The following EPHB6 variants were observed in gnomAD, a reference collection of about 807,000 sequenced individuals.
EPHB6 encodes ephrin type-B receptor 6.
In EPHB6, 51 loss-of-function variants were observed where a neutral mutation model predicts 107.0. That is an observed-to-expected ratio of 0.48 (90% CI 0.38 to 0.60). The LOEUF (loss-of-function observed/expected upper bound fraction) is 0.60, where lower values mean the gene tolerates loss of function less well. EPHB6 is among the 20% of genes least tolerant of loss of function. The pLI, the probability that EPHB6 is intolerant of heterozygous loss-of-function variation, is 0.00. For synonymous variants in EPHB6, 553 were observed against 549.0 expected, an observed-to-expected ratio of 1.01 and a Z score of -0.10; for missense variants, 1,141 against 1,355.5, an observed-to-expected ratio of 0.84 and a Z score of 2.48.
chr7:142,857,861 A>G (rs1194027944), intron 1 of EPHB6, among the ~76,000 whole-genome samples: 1 of 152,190 alleles, frequency 6.6e-6, no homozygotes, highest in Admixed American at 6.5e-5. Flanking sequence ...AAGACTAGCC[A>G]GAGATAACAA....
chr7:142,865,598 C>T lies in EPHB6; in HGVS notation c.1073C>T (p.Ala358Val), dbSNP rs201879428. 3 of 1,613,686 alleles carry T rather than the reference C, an allele frequency of 1.9e-6. No homozygotes were observed. The highest frequency in any genetic ancestry group is 2.5e-6 in the Non-Finnish European group (3 of 1,180,002). Residue 358 changes from alanine (A) to valine (V), a missense_variant, in exon 8 of 20, where the codon GCC (alanine) becomes GTC (valine). Physicochemically the swap from Ala to Val is moderately conservative, Grantham distance 64. Coordinates refer to ENST00000652003, the MANE Select transcript of EPHB6 (RefSeq NM_004445.6). ...VCPCLEGFYR[A>V]SSDPPEAPCT... ...CCCTGCCTGGAGGGCTTCTACCGGG[C>T]CAGTTCCGACCCACCAGAGGCCCCC... is the stretch of plus-strand genomic sequence containing the variant.
rs1234381127 is a variant in EPHB6 at position 142,866,124 on chromosome 7, A to T, written c.1270A>T (p.Thr424Ser). Reference sequence around the variant, plus strand: ...GGAACCTGCCAGCGGTGGTGGGGGCACTTGTCACCGCTGCAGGGATGAGGT... The same window carrying T: ...GGAACCTGCCAGCGGTGGTGGGGGCTCTTGTCACCGCTGCAGGGATGAGGT... ...RQEPASGGGGTCHRCRDEVHF... is the reference protein window; with the variant it reads ...RQEPASGGGGSCHRCRDEVHF... Residue 424 changes from threonine (T) to serine (S), a missense_variant, in exon 9 of 20, where the codon ACT (threonine) becomes TCT (serine). Coordinates refer to ENST00000652003, the MANE Select transcript of EPHB6 (RefSeq NM_004445.6). The surrounding 1 kb of genome is among the most constrained non-coding windows in gnomAD (Gnocchi z 5.2). 3.7e-6 allele frequency: 6 copies of T among 1,613,660 alleles called. No individual in the cohort carries two copies. The highest frequency in any genetic ancestry group is 3.3e-4 in the Middle Eastern group (2 of 6,062).
In EPHB6 at chr7:142,867,729, CCCCA is replaced by C; in HGVS notation, c.1865+11_1865+14del. 1 of 1,604,986 alleles carries C rather than the reference CCCCA, an allele frequency of 6.2e-7. No individual in the cohort carries two copies. On this transcript the variant is annotated splice_region_variant and intron_variant, in intron 12 of 19. Coordinates refer to ENST00000652003, the MANE Select transcript of EPHB6 (RefSeq NM_004445.6). The surrounding 1 kb of genome is among the most constrained non-coding windows in gnomAD (Gnocchi z 5.3). Reference sequence around the variant, plus strand: ...TGGCGGTCGTCTTCCAGCGGTGAGTCCCCACCCCTGCCCAACTCTGCCCAGCACC... The same window carrying C: ...TGGCGGTCGTCTTCCAGCGGTGAGTCCCCCTGCCCAACTCTGCCCAGCACC...
Position 142,868,161 on chromosome 7 carries a change from GA to G in EPHB6, c.1919-79del. ...GGGAGCTCCTTGGCACAACCTTCTG[GA>G]GGTAAGTGGGCATGTCTGGGGTGCG... On this transcript the variant is annotated intron_variant, in intron 13 of 19. Coordinates refer to ENST00000652003, the MANE Select transcript of EPHB6 (RefSeq NM_004445.6). This position sits in a 1 kb window ranked among gnomAD's most constrained non-coding sequence, Gnocchi z 4.2. The G allele has an allele frequency of 6.2e-7, 1 of 1,613,968 alleles. No individual in the cohort carries two copies. Among genetic ancestry groups the G allele is most frequent in the Non-Finnish European group, 8.5e-7 (1 of 1,179,926 alleles).
At chr7:142,865,741 C>G in intron 8 of EPHB6, 111 bp downstream of exon 8, 1 of 1,480,602 alleles carries the variant, frequency 6.8e-7, no homozygotes, top group Admixed American at 1.9e-5. Flanking sequence ...TTGTTTTTCC[C>G]CTATTTTCTT....
In EPHB6 at chr7:142,870,963, G is replaced by A. The variant is rs1488600454; in HGVS notation, c.*59G>A. ...TGGTCCGAGAAGGGACATGTGGGAC[G>A]TGAGCCGGGCTCCAACAGCCTCTGT... On this transcript the variant is annotated 3_prime_UTR_variant, in exon 20 of 20. Transcript: ENST00000652003. The A allele has an allele frequency of 2.6e-5, 39 of 1,520,402 alleles. No homozygotes were observed. The highest frequency in any genetic ancestry group is 2.1e-4 in the East Asian group (9 of 42,324). The allele number at this position is 1,520,402 out of a possible 1,614,324, so 94.2% of individuals were successfully genotyped here.
intron 1 of EPHB6, among the ~76,000 whole-genome samples, chr7:142,856,317 G>A (rs1802611865): frequency 1.3e-5 from 2 of 152,214 alleles, no homozygotes; most frequent in South Asian, 4.1e-4. Context: ...GCTGCTCAGT[G>A]GGGCCACTTG....
chr7:142,860,687 C>G (rs1397038045), intron 1 of EPHB6, among the ~76,000 whole-genome samples: 5 of 152,186 alleles, frequency 3.3e-5, no homozygotes, highest in Non-Finnish European at 5.9e-5. Flanking sequence ...ATTGAACTCT[C>G]TATTTCACAA....
chr7:142,863,408 G>C, intron 5 of EPHB6, 81 bp downstream of exon 5: 1 of 1,428,038 alleles, frequency 7.0e-7, no homozygotes, highest in South Asian at 1.1e-5. Context: ...ATTTAGAAAA[G>C]GTAGATAAGA....
chr7:142,864,191 T>C lies in EPHB6; in HGVS notation c.391T>C (p.Tyr131His). Residue 131 changes from tyrosine to histidine, a missense_variant, in exon 7 of 20, where the codon TAC becomes CAC. Physicochemically the swap from Tyr to His is moderately conservative, Grantham distance 83. This residue lies in a region of EPHB6 where 221 missense variants were observed against 300.5 expected (regional missense o/e 0.74). Coordinates refer to ENST00000652003, the MANE Select transcript of EPHB6 (RefSeq NM_004445.6). ...CACCTGCCGGGAGACCTTCACCCTTTACTACCGTCAGGCTGAGGAGCCCGA... is the reference window on the plus strand; with the variant it reads ...CACCTGCCGGGAGACCTTCACCCTTCACTACCGTCAGGCTGAGGAGCCCGA... ...GGTCRETFTL[Y>H]YRQAEEPDSP... 1 of 1,613,908 alleles carries C rather than the reference T, an allele frequency of 6.2e-7. No individual in the cohort carries two copies. Among genetic ancestry groups the C allele is most frequent in the Non-Finnish European group, 8.5e-7 (1 of 1,180,040 alleles).
At position 142,863,270 on chromosome 7, in the gene EPHB6, G is replaced by A. The variant is rs1323107897; in HGVS notation, c.43G>A (p.Gly15Ser). The change falls in exon 5 of 20, where the codon GGC (glycine) becomes AGC (serine). Residue 15 changes from glycine to serine, a missense_variant. By Grantham distance (56) the Gly-to-Ser change is moderately conservative. Around this residue, in one of 3 missense-constraint regions of EPHB6, gnomAD observed 221 missense variants for 300.5 expected, o/e 0.74. Transcript: ENST00000652003. ...GAAQLGNRVA[G>S]MVCSLWVLLL... ...TGCCCAGTTAGGGAACAGAGTGGCG[G>A]GCATGGTGTGTAGCCTATGGGTGCT... The A allele has an allele frequency of 1.9e-6, 3 of 1,613,700 alleles. No individual in the cohort carries two copies. Among genetic ancestry groups the A allele is most frequent in the Non-Finnish European group, 2.5e-6 (3 of 1,179,906 alleles).
intron 1 of EPHB6, among the ~76,000 whole-genome samples, chr7:142,856,701 C>T (rs1802625681): frequency 6.6e-6 from 1 of 152,178 alleles, no homozygotes; most frequent in Admixed American, 6.5e-5. Flanking sequence ...CTCCCTCTCC[C>T]AGCCCAGGTG....
rs181797143 is a variant in EPHB6 at position 142,867,570 on chromosome 7, A to T, written c.1751-38A>T. The T allele has an allele frequency of 2.7e-5, 42 of 1,564,618 alleles. No homozygotes were observed. Among genetic ancestry groups the T allele is most frequent in the Admixed American group, 7.0e-5 (4 of 56,786 alleles). Reference sequence around the variant, plus strand: ...GCACATGAACAAGCACCTGTGAGAGACCTGGCCCACCTGTGACCCTGTCGG... The same window carrying T: ...GCACATGAACAAGCACCTGTGAGAGTCCTGGCCCACCTGTGACCCTGTCGG... On this transcript the variant is annotated intron_variant, in intron 11 of 19. Transcript: ENST00000652003. The surrounding 1 kb of genome is among the most constrained non-coding windows in gnomAD (Gnocchi z 5.3).
chr7:142,856,764 G>T (rs1045657647), intron 1 of EPHB6, among the ~76,000 whole-genome samples: 1 of 152,148 alleles, frequency 6.6e-6, no homozygotes, highest in African/African-American at 2.4e-5. Flanking sequence ...CAGACTGGGG[G>T]TAGAGCAGGG....
At position 142,863,183 on chromosome 7, in the gene EPHB6, G is replaced by A. The variant is rs537072129; in HGVS notation, c.-45G>A. The A allele has an allele frequency of 2.7e-5, 41 of 1,542,048 alleles. No individual in the cohort carries two copies. In the East Asian group the frequency reaches 9.2e-4, roughly 35 times the overall value. ...GCAAAAGCTGCAGCCCCACCCAGGAGCAGGGTGGTGGCTGGGGCGATGGTG... is the reference window on the plus strand; with the variant it reads ...GCAAAAGCTGCAGCCCCACCCAGGAACAGGGTGGTGGCTGGGGCGATGGTG... On this transcript the variant is annotated 5_prime_UTR_variant, in exon 5 of 20. Coordinates refer to ENST00000652003, the MANE Select transcript of EPHB6 (RefSeq NM_004445.6).
In EPHB6 at chr7:142,866,150, C is replaced by T. The variant is rs139753807; in HGVS notation, c.1296C>T (p.Val432=). 319 of 1,613,902 alleles carry T rather than the reference C, an allele frequency of 2.0e-4. No individual in the cohort carries two copies. The highest frequency in any genetic ancestry group is 8.2e-4 in the Middle Eastern group (5 of 6,084). The change falls in exon 9 of 20, where the codon GTC becomes GTT. Residue 432 remains valine, a synonymous_variant. Transcript: ENST00000652003. This position sits in a 1 kb window ranked among gnomAD's most constrained non-coding sequence, Gnocchi z 5.2. ...GGTCHRCRDE[V]HFDPRQRGLT... ...CTTGTCACCGCTGCAGGGATGAGGT[C>T]CACTTCGACCCTCGCCAGAGAGGCC...
intron 1 of EPHB6, among the ~76,000 whole-genome samples, chr7:142,856,797 C>T (rs1306017060): frequency 6.6e-6 from 1 of 152,118 alleles, no homozygotes; most frequent in Non-Finnish European, 1.5e-5. Flanking sequence ...GAAGAAGGGC[C>T]CATGGAACCA....
In EPHB6 at chr7:142,867,991, C is replaced by G. The variant is rs1267961286; in HGVS notation, c.1866-6C>G. 3 of 1,571,210 alleles carry G rather than the reference C, an allele frequency of 1.9e-6. No individual in the cohort carries two copies. The highest frequency in any genetic ancestry group is 1.9e-5 in the Admixed American group (1 of 53,778). On this transcript the variant is annotated splice_region_variant and splice_polypyrimidine_tract_variant and intron_variant, in intron 12 of 19. Transcript: ENST00000652003. This position sits in a 1 kb window ranked among gnomAD's most constrained non-coding sequence, Gnocchi z 5.3. ...CGTCATCCCCAGTCACCGTTTTGTT[C>G]CTCAGGAAGCGGCGTGGGACTGGCT...
In EPHB6 at chr7:142,866,663, A is replaced by G. The variant is rs1326532604; in HGVS notation, c.1587+58A>G. The G allele has an allele frequency of 1.4e-5, 22 of 1,612,360 alleles. No individual in the cohort carries two copies. Among genetic ancestry groups the G allele is most frequent in the Non-Finnish European group, 1.8e-5 (21 of 1,179,800 alleles). Reference sequence around the variant, plus strand: ...GCTGGTAGGAGCTCATAGGCCTCACAGTGGGGCCCAGAGGTGACCAGGTGC... The same window carrying G: ...GCTGGTAGGAGCTCATAGGCCTCACGGTGGGGCCCAGAGGTGACCAGGTGC... On this transcript the variant is annotated intron_variant, in intron 10 of 19. Transcript: ENST00000652003. The surrounding 1 kb of genome is among the most constrained non-coding windows in gnomAD (Gnocchi z 5.2).
Sources: allele counts gnomAD v4.1 joint callset (sites outside exome capture counted in the v4.1 genomes callset), GRCh38; gene constraint gnomAD v4.1.1; regional missense constraint gnomAD v4.1.1; non-coding constraint Gnocchi (gnomAD v3.1); transcripts MANE v1.5; gene names NCBI Gene and HGNC (gene_info 2026-07-23, HGNC 2026-07-21).